SGCZ: variants seen among roughly 807,000 people sequenced by gnomAD.
SGCZ encodes the protein zeta-sarcoglycan.
SGCZ carries 40 observed loss-of-function variants against 41.3 expected under a neutral mutation model. That is an observed-to-expected ratio of 0.97 (90% CI 0.75 to 1.26). SGCZ has a LOEUF of 1.26. SGCZ is among the 50% of genes most tolerant of loss of function. SGCZ has a pLI of 0.00. For missense variants in SGCZ, 552 were observed against 369.8 expected, an observed-to-expected ratio of 1.49 and a Z score of -4.04; for synonymous variants, 206 against 137.5, an observed-to-expected ratio of 1.50 and a Z score of -3.49.
chr8:15,067,244 A>T (rs1213137514), intron 1 of SGCZ, among the ~76,000 whole-genome samples: 2 of 152,112 alleles, frequency 1.3e-5, no homozygotes, highest in African/African-American at 2.4e-5. Flanking sequence ...CCAACCCTGC[A>T]CACTACACCC....
chr8:15,135,414 C>G (rs1173751838), intron 1 of SGCZ, among the ~76,000 whole-genome samples: 1 of 152,130 alleles, frequency 6.6e-6, no homozygotes, highest in East Asian at 1.9e-4. Context: ...AAATGACATT[C>G]CATAATTCTT....
At chr8:14,652,431 T>A (rs759082197) in intron 1 of SGCZ, among the ~76,000 whole-genome samples, 20 of 151,198 alleles carry the variant, frequency 1.3e-4, no homozygotes, top group Admixed American at 4.0e-4. Flanking sequence ...ATGAAGACAA[T>A]GATATCTATA....
At chr8:15,229,739 G>A (rs1040865357) in intron 1 of SGCZ, among the ~76,000 whole-genome samples, 3 of 152,114 alleles carry the variant, frequency 2.0e-5, no homozygotes, top group African/African-American at 4.8e-5. Flanking sequence ...TGATAACAGC[G>A]TTTTCCCATT....
chr8:14,314,433 T>C (rs1329400701), intron 3 of SGCZ, among the ~76,000 whole-genome samples: 1 of 152,180 alleles, frequency 6.6e-6, no homozygotes, highest in Non-Finnish European at 1.5e-5. Context: ...AGAGTGTGAA[T>C]TGTCAGAAAA....
intron 4 of SGCZ, among the ~76,000 whole-genome samples, chr8:14,165,548 C>T (rs1804181831): frequency 1.3e-5 from 2 of 152,060 alleles, no homozygotes; most frequent in South Asian, 4.1e-4. Context: ...TCCCATAATT[C>T]ATATTATGTC....
chr8:14,472,440 C>T (rs1330513864), intron 2 of SGCZ, among the ~76,000 whole-genome samples: 3 of 152,156 alleles, frequency 2.0e-5, no homozygotes, highest in East Asian at 1.9e-4. Flanking sequence ...AGTTGATGAA[C>T]TCAAGGCTTG....
chr8:14,700,861 A>G (rs1464508792), intron 1 of SGCZ, among the ~76,000 whole-genome samples: 9 of 151,474 alleles, frequency 5.9e-5, no homozygotes, highest in African/African-American at 2.2e-4. Context: ...TTATTAAAGC[A>G]TTATTAAAGG....
intron 4 of SGCZ, among the ~76,000 whole-genome samples, chr8:14,190,064 G>C (rs1458699550): frequency 3.8e-5 from 5 of 129,916 alleles, no homozygotes; most frequent in Non-Finnish European, 1.5e-5. Flanking sequence ...CCAGGCTGGA[G>C]TGCAGTGGCG....
At chr8:14,602,529 A>C (rs1309279421) in intron 1 of SGCZ, among the ~76,000 whole-genome samples, 1 of 152,072 alleles carries the variant, frequency 6.6e-6, no homozygotes, top group Non-Finnish European at 1.5e-5. Flanking sequence ...TAGTGAAAAA[A>C]CTAATTAATT....
At chr8:14,386,071 TA>T (rs1334927793) in intron 2 of SGCZ, among the ~76,000 whole-genome samples, 3 of 152,166 alleles carry the variant, frequency 2.0e-5, no homozygotes, top group African/African-American at 7.2e-5. Context: ...ATTTTCTAAA[TA>T]TTTTTTCCAA....
At position 14,586,929 on chromosome 8, in the gene SGCZ, AT is replaced by A. The variant is rs1805077739; in HGVS notation, c.40-32004del. 2.0e-5 allele frequency among the ~76,000 whole-genome samples: 3 copies of A among 152,154 alleles called. No individual in the cohort carries two copies. The South Asian group carries it at 6.2e-4, about 32-fold the overall frequency. On this transcript the variant is annotated intron_variant, in intron 1 of 7. Transcript: ENST00000382080. ...TGGTGATTACCTAGTTAAATTGCAAATTATACAAGGTCATGTCATCATATAG... is the reference window on the plus strand; with the variant it reads ...TGGTGATTACCTAGTTAAATTGCAAATATACAAGGTCATGTCATCATATAG...
intron 4 of SGCZ, among the ~76,000 whole-genome samples, chr8:14,183,754 T>C (rs1300618186): frequency 6.6e-6 from 1 of 152,114 alleles, no homozygotes; most frequent in Non-Finnish European, 1.5e-5. Context: ...CCCTGTAAAC[T>C]AAGAAAGGAG....
chr8:14,337,053 G>C, intron 2 of SGCZ, among the ~76,000 whole-genome samples: 1 of 152,108 alleles, frequency 6.6e-6, no homozygotes, highest in Non-Finnish European at 1.5e-5. Context: ...GGAGGACTGT[G>C]AGTGAGTATT....
intron 3 of SGCZ, among the ~76,000 whole-genome samples, chr8:14,286,908 T>A (rs1318511958): frequency 6.6e-6 from 1 of 152,032 alleles, no homozygotes; most frequent in Admixed American, 6.6e-5. Flanking sequence ...AAAAATTTCT[T>A]TGAAAAGTAA....
At chr8:14,949,827 A>G (rs569827446) in intron 1 of SGCZ, among the ~76,000 whole-genome samples, 1 of 152,276 alleles carries the variant, frequency 6.6e-6, no homozygotes, top group Admixed American at 6.5e-5. Flanking sequence ...ATAAAGGTTT[A>G]TAGTCAATAT....
At chr8:14,130,153 T>C (rs1802994016) in intron 5 of SGCZ, among the ~76,000 whole-genome samples, 1 of 152,142 alleles carries the variant, frequency 6.6e-6, no homozygotes, top group Admixed American at 6.5e-5. Flanking sequence ...AGAATAAAAT[T>C]GAAATTAAAA....
chr8:14,478,784 A>C (rs892455432), intron 2 of SGCZ, among the ~76,000 whole-genome samples: 2 of 152,248 alleles, frequency 1.3e-5, no homozygotes, highest in South Asian at 4.1e-4. Flanking sequence ...TCAGAGTAAC[A>C]GTTCTTATTT....
At chr8:15,191,842 T>C (rs1451463994) in intron 1 of SGCZ, among the ~76,000 whole-genome samples, 1 of 151,996 alleles carries the variant, frequency 6.6e-6, no homozygotes, top group Non-Finnish European at 1.5e-5. Context: ...GACTCTAAAA[T>C]ATTAAAGGTA....
chr8:14,169,342 T>C (rs957037931), intron 4 of SGCZ, among the ~76,000 whole-genome samples: 11 of 152,158 alleles, frequency 7.2e-5, no homozygotes, highest in African/African-American at 1.9e-4. Flanking sequence ...CTTGAAAGCA[T>C]CTTATTGAAC....
Sources: allele counts gnomAD v4.1 joint callset (sites outside exome capture counted in the v4.1 genomes callset), GRCh38; gene constraint gnomAD v4.1.1; transcripts MANE v1.5; gene names NCBI Gene and HGNC (gene_info 2026-07-23, HGNC 2026-07-21).